Variants in WDR25 observed in about 807,000 individuals in gnomAD.
WDR25 encodes WD repeat domain 25.
A neutral mutation model predicts 47.7 loss-of-function variants in WDR25; 35 were observed. The ratio of observed to expected loss-of-function variants is 0.73; its 90% CI spans 0.56 to 0.97. The LOEUF is 0.97. Ranked by LOEUF, WDR25 falls within the 50% of genes least tolerant of loss-of-function variation. WDR25 has a pLI of 0.00. For synonymous variants in WDR25, 248 were observed against 278.9 expected (o/e 0.89, Z 1.10); for missense variants, 634 against 704.7 (o/e 0.90, Z 1.14).
intron 2 of WDR25, among the ~76,000 whole-genome samples, chr14:100,457,496 CT>C (rs1194027600): frequency 6.6e-6 from 1 of 152,166 alleles, no homozygotes; most frequent in Admixed American, 6.5e-5. Flanking sequence ...AGGCAGATTA[CT>C]TTTTCAGGCA....
chr14:100,496,318 T>G (rs922493701), intron 4 of WDR25, among the ~76,000 whole-genome samples: 1 of 152,258 alleles, frequency 6.6e-6, no homozygotes. Flanking sequence ...TATTCTCTTT[T>G]TCTTTTGATA....
At chr14:100,380,443 A>G (rs1348124805) in intron 1 of WDR25, among the ~76,000 whole-genome samples, 2 of 151,504 alleles carry the variant, frequency 1.3e-5, no homozygotes, top group African/African-American at 4.9e-5. Flanking sequence ...CTTCTAACTA[A>G]TTGGGCCTGA....
At position 100,527,585 on chromosome 14, in the gene WDR25, A is replaced by G. The variant is rs145269807; in HGVS notation, c.1273-1483A>G. ...ACTGCAGGGTGTCCCAGGGCAACCC[A>G]TTGGGCAGGACAGGCCCTTGTGGGG... On this transcript the variant is annotated intron_variant, in intron 5 of 6. Transcript: ENST00000402312. Among the ~76,000 whole-genome samples the G allele has an allele frequency of 9.7e-3, 1,476 of 152,308 alleles. 25 individuals are homozygous for G. The highest frequency in any genetic ancestry group is 0.03 in the African/African-American group (1,244 of 41,562).
At chr14:100,452,069 C>G (rs1000988378) in intron 2 of WDR25, among the ~76,000 whole-genome samples, 6 of 152,196 alleles carry the variant, frequency 3.9e-5, no homozygotes, top group Non-Finnish European at 7.4e-5. Context: ...ATTTATCCAT[C>G]TATTTCATTC....
intron 2 of WDR25, among the ~76,000 whole-genome samples, chr14:100,403,148 C>G (rs1274079716): frequency 6.6e-6 from 1 of 152,194 alleles, no homozygotes; most frequent in East Asian, 1.9e-4. Flanking sequence ...TTCTTTATTT[C>G]TTTGAAAACT....
intron 2 of WDR25, among the ~76,000 whole-genome samples, chr14:100,389,085 A>C (rs1306772895): frequency 6.6e-6 from 1 of 152,236 alleles, no homozygotes; most frequent in Non-Finnish European, 1.5e-5. Flanking sequence ...GTGCTTGTCT[A>C]ATGCCCAGTG....
At chr14:100,376,776 C>T (rs1414389118) in intron 1 of WDR25, 6 of 1,219,156 alleles carry the variant, frequency 4.9e-6, no homozygotes, top group Non-Finnish European at 3.1e-6. Flanking sequence ...TTGATTTCCA[C>T]CCACACCAGA....
chr14:100,395,830 A>C (rs113305906), intron 2 of WDR25, among the ~76,000 whole-genome samples: 10,393 of 151,938 alleles, frequency 0.068, 636 homozygotes, highest in African/African-American at 0.17. Context: ...GCACTCCCCC[A>C]CCCACCCCTC....
At chr14:100,444,744 G>C (rs1336920616) in intron 2 of WDR25, among the ~76,000 whole-genome samples, 1 of 152,336 alleles carries the variant, frequency 6.6e-6, no homozygotes, top group East Asian at 1.9e-4. Flanking sequence ...AGGCAGCGGC[G>C]AAACAGCTCA....
rs995414551 is a variant in WDR25, at chr14:100,498,979, G to A, written c.1101+14855G>A. Reference sequence around the variant, plus strand: ...ACTTGGGTGCAAGCAGGGTGTAGGGGTAGAGGCAAAAAAGGGCCTTGGAGA... The same window carrying A: ...ACTTGGGTGCAAGCAGGGTGTAGGGATAGAGGCAAAAAAGGGCCTTGGAGA... On this transcript the variant is annotated intron_variant, in intron 4 of 6. Coordinates refer to ENST00000402312, the MANE Select transcript of WDR25 (RefSeq NM_001161476.3). This position sits in a 1 kb window ranked among gnomAD's most constrained non-coding sequence, Gnocchi z 4.2. Among the ~76,000 whole-genome samples, 2 of 152,110 alleles carry A rather than the reference G, an allele frequency of 1.3e-5. No homozygotes were observed. The highest frequency in any genetic ancestry group is 4.8e-5 in the African/African-American group (2 of 41,416).
intron 3 of WDR25, among the ~76,000 whole-genome samples, chr14:100,473,742 A>G (rs373585946): frequency 3.4e-4 from 52 of 152,306 alleles, no homozygotes; most frequent in African/African-American, 1.3e-3. Context: ...CCACAGAAGG[A>G]GGCTCCTTGT....
intron 2 of WDR25, among the ~76,000 whole-genome samples, chr14:100,439,610 C>G (rs1312893063): frequency 1.6e-4 from 24 of 152,318 alleles, no homozygotes; most frequent in Admixed American, 1.6e-3. Context: ...AGACAGAACT[C>G]TCTGGAAGGA....
chr14:100,503,714 C>G (rs536260036), intron 4 of WDR25: 6 of 152,276 alleles, frequency 3.9e-5, no homozygotes, highest in African/African-American at 1.4e-4. Context: ...CCCCCGTCCC[C>G]GAAGACTGCT....
intron 3 of WDR25, among the ~76,000 whole-genome samples, chr14:100,479,940 C>G (rs1222880591): frequency 1.3e-5 from 2 of 152,160 alleles, no homozygotes; most frequent in Non-Finnish European, 2.9e-5. Flanking sequence ...GCCTGGTGAT[C>G]TGAGGTGGGA....
rs758479719 is a variant in WDR25 at position 100,525,939 on chromosome 14, T to C, written c.1171T>C (p.Phe391Leu). The change falls in exon 5 of 7, where the codon TTC (phenylalanine) becomes CTC (leucine). Residue 391 changes from phenylalanine (F) to leucine (L), a missense_variant. Physicochemically the swap from Phe to Leu is conservative, Grantham distance 22. Coordinates refer to ENST00000402312, the MANE Select transcript of WDR25 (RefSeq NM_001161476.3). This position sits in a 1 kb window ranked among gnomAD's most constrained non-coding sequence, Gnocchi z 4.6. The part of the protein sequence containing the change: ...DILFLREGSE[F>L]LSSTDASTRD... ...CCTGTTCCTCCGGGAAGGCTCCGAGTTCCTGAGCAGCACAGACGCTTCCAC... is the reference window on the plus strand; with the variant it reads ...CCTGTTCCTCCGGGAAGGCTCCGAGCTCCTGAGCAGCACAGACGCTTCCAC... The C allele has an allele frequency of 1.2e-6, 2 of 1,613,840 alleles. No individual in the cohort carries two copies. The highest frequency in any genetic ancestry group is 4.5e-5 in the East Asian group (2 of 44,882).
At position 100,525,353 on chromosome 14, in the gene WDR25, A is replaced by G. The variant is rs1298416992; in HGVS notation, c.1102-517A>G. ...ATCGGTGATGATGCTAAAACAATAC[A>G]AAGTGTCGTTAAAGCTAAAATATGT... On this transcript the variant is annotated intron_variant, in intron 4 of 6. Coordinates refer to ENST00000402312, the MANE Select transcript of WDR25 (RefSeq NM_001161476.3). The surrounding 1 kb of genome is among the most constrained non-coding windows in gnomAD (Gnocchi z 4.6). 1.3e-5 allele frequency among the ~76,000 whole-genome samples: 2 copies of G among 152,248 alleles called. No individual in the cohort carries two copies. The highest frequency in any genetic ancestry group is 2.9e-5 in the Non-Finnish European group (2 of 68,040).
intron 2 of WDR25, among the ~76,000 whole-genome samples, chr14:100,444,881 C>T (rs543687274): frequency 2.6e-5 from 4 of 152,330 alleles, no homozygotes; most frequent in South Asian, 2.1e-4. Context: ...CCTTCTACTT[C>T]GTCACTTTAA....
chr14:100,409,426 C>G (rs553538707), intron 2 of WDR25, among the ~76,000 whole-genome samples: 64 of 151,670 alleles, frequency 4.2e-4, no homozygotes, highest in Non-Finnish European at 8.4e-4. Flanking sequence ...GGACCCCCCC[C>G]CACCCATCCC....
chr14:100,529,470 G>A lies in WDR25; in HGVS notation c.1413+262G>A. The A allele has an allele frequency of 1.7e-6, 1 of 602,612 alleles. No individual in the cohort carries two copies. The allele number at this position is 602,612 out of a possible 1,614,324, so 37.3% of individuals were successfully genotyped here. A position where few individuals can be genotyped will look rare whatever the true frequency, so the allele number is the denominator to read the frequency against. On this transcript the variant is annotated intron_variant, in intron 6 of 6. Coordinates refer to ENST00000402312, the MANE Select transcript of WDR25 (RefSeq NM_001161476.3). The surrounding 1 kb of genome is among the most constrained non-coding windows in gnomAD (Gnocchi z 5.1). ...GTCTCAGAAGTGGGGGGCAGGAACA[G>A]GACAAAATGGTCATGGGTGTCATTT...
Sources: allele counts gnomAD v4.1 joint callset (sites outside exome capture counted in the v4.1 genomes callset), GRCh38; gene constraint gnomAD v4.1.1; non-coding constraint Gnocchi (gnomAD v3.1); transcripts MANE v1.5; gene names NCBI Gene and HGNC (gene_info 2026-07-23, HGNC 2026-07-21).